The following SDF2 variants were observed in gnomAD, a reference collection of about 807,000 sequenced individuals.
The protein encoded by SDF2 is stromal cell derived factor 2.
Under a neutral mutation model 20.5 loss-of-function variants are expected in SDF2, and 12 were observed. The observed-to-expected ratio is 0.58, with a 90% CI of 0.37 to 0.95. The LOEUF is 0.95. Ranked by LOEUF, SDF2 falls within the 40% of genes least tolerant of loss-of-function variation. SDF2 has a pLI of 0.01. For missense variants in SDF2, 238 were observed against 263.1 expected, an observed-to-expected ratio of 0.90 and a Z score of 0.66; for synonymous variants, 100 against 101.0, an observed-to-expected ratio of 0.99 and a Z score of 0.06.
intron 2 of SDF2, among the ~76,000 whole-genome samples, chr17:28,652,225 TA>T (rs1267107613): frequency 1.3e-5 from 2 of 152,048 alleles, no homozygotes; most frequent in African/African-American, 4.8e-5. Flanking sequence ...TAACTTAATA[TA>T]TGTAGATACA....
At chr17:28,653,706 G>C (rs956193625) in intron 2 of SDF2, among the ~76,000 whole-genome samples, 1 of 152,124 alleles carries the variant, frequency 6.6e-6, no homozygotes, top group African/African-American at 2.4e-5. Context: ...CAGCTACTCA[G>C]GAGGCTGTGG....
intron 2 of SDF2, among the ~76,000 whole-genome samples, chr17:28,652,261 T>C (rs2071921025): frequency 6.6e-6 from 1 of 152,120 alleles, no homozygotes; most frequent in African/African-American, 2.4e-5. Flanking sequence ...TAAAAATTTA[T>C]AGATATGTAA....
chr17:28,657,099 T>G (rs1449578416), intron 1 of SDF2, among the ~76,000 whole-genome samples: 7 of 151,922 alleles, frequency 4.6e-5, no homozygotes, highest in Admixed American at 2.6e-4. Flanking sequence ...TGGTCGCATG[T>G]GCCTGTAATC....
Position 28,655,375 on chromosome 17 carries a change from T to C in SDF2, c.260A>G (p.Lys87Arg), listed in dbSNP as rs547468803. 1 of 1,614,234 alleles carries C rather than the reference T, an allele frequency of 6.2e-7. No homozygotes were observed. The highest frequency in any genetic ancestry group is 1.1e-5 in the South Asian group (1 of 91,086). Residue 87 changes from lysine to arginine, a missense_variant, in exon 2 of 3, where the codon AAG (lysine) becomes AGG (arginine). Lys to Arg is a conservative substitution (Grantham distance 26). Coordinates refer to ENST00000247020, the MANE Select transcript of SDF2 (RefSeq NM_006923.4). ...TGTCAGCCGGATGGGCTGGCCACAC[T>C]TGATGGGGGTTCCCCTCTCACACAC... ...ATVCERGTPI[K>R]CGQPIRLTHV...
intron 2 of SDF2, among the ~76,000 whole-genome samples, chr17:28,651,140 G>A (rs906378802): frequency 3.3e-5 from 5 of 151,986 alleles, no homozygotes; most frequent in African/African-American, 7.3e-5. Context: ...GCACAATCTC[G>A]GCTCTCTGCA....
At chr17:28,655,008 T>C (rs1421860044) in intron 2 of SDF2, among the ~76,000 whole-genome samples, 1 of 151,726 alleles carries the variant, frequency 6.6e-6, no homozygotes, top group South Asian at 2.1e-4. Flanking sequence ...CATGCGCCTG[T>C]AATCCCAGCT....
chr17:28,649,335 G>C, intron 2 of SDF2, 59 bp from the exon 3 acceptor site: 1 of 1,524,618 alleles, frequency 6.6e-7, no homozygotes, highest in Non-Finnish European at 9.0e-7. Flanking sequence ...AAAAGGGGTG[G>C]GAGGCAATGG....
chr17:28,649,149 A>G lies in SDF2; in HGVS notation c.476T>C (p.Leu159Pro). 1 of 1,614,220 alleles carries G rather than the reference A, an allele frequency of 6.2e-7. No individual in the cohort carries two copies. Among genetic ancestry groups the G allele is most frequent in the Non-Finnish European group, 8.5e-7 (1 of 1,180,038 alleles). ...ACCATATTGTTCTCCTGTGACAGAC[A>G]GCAGTACCTCAGTGGAAGAGTGTTT... ...RFKHSSTEVL[L>P]SVTGEQYGRP... The change falls in exon 3 of 3, where the codon CTG becomes CCG. Residue 159 changes from leucine (L) to proline (P), a missense_variant. Transcript: ENST00000247020.
chr17:28,651,531 T>G (rs2071914855), intron 2 of SDF2: 1 of 152,230 alleles, frequency 6.6e-6, no homozygotes, highest in Non-Finnish European at 1.5e-5. Context: ...CTTTGAGCCT[T>G]TGTTTTCTCC....
At chr17:28,658,593 G>A (rs2071989212) in intron 1 of SDF2, among the ~76,000 whole-genome samples, 2 of 152,190 alleles carry the variant, frequency 1.3e-5, no homozygotes, top group Admixed American at 1.3e-4. Context: ...TAGATTAACA[G>A]CATCCCAAAG....
chr17:28,655,720 G>A, intron 1 of SDF2: 1 of 574,706 alleles, frequency 1.7e-6, no homozygotes, highest in South Asian at 2.4e-5. Context: ...CCTTAGACAA[G>A]GGCCAAGCCC....
chr17:28,655,561 C>G, intron 1 of SDF2, 78 bp from the exon 2 acceptor site: 1 of 1,257,350 alleles, frequency 8.0e-7, no homozygotes, highest in Admixed American at 2.2e-5. Context: ...TGAGTGCGCT[C>G]AAGATTCACC....
rs1357733548 is a variant in SDF2 at position 28,648,962 on chromosome 17, G to A, written c.*27C>T. ...CAACAGATGTCTGTGAACATTGTGCGTTAACAGTGGCTCAGAGCCTCTAGA... is the reference window on the plus strand; with the variant it reads ...CAACAGATGTCTGTGAACATTGTGCATTAACAGTGGCTCAGAGCCTCTAGA... On this transcript the variant is annotated 3_prime_UTR_variant, in exon 3 of 3. Coordinates refer to ENST00000247020, the MANE Select transcript of SDF2 (RefSeq NM_006923.4). The A allele has an allele frequency of 3.8e-5, 61 of 1,609,726 alleles. No individual in the cohort carries two copies. Among genetic ancestry groups the A allele is most frequent in the South Asian group, 5.5e-5 (5 of 90,858 alleles).
chr17:28,653,545 G>A (rs2071931312), intron 2 of SDF2, among the ~76,000 whole-genome samples: 1 of 152,238 alleles, frequency 6.6e-6, no homozygotes, highest in Non-Finnish European at 1.5e-5. Context: ...GGGCACGGAG[G>A]CCTCACGCCT....
chr17:28,661,646 T>A (rs1187664187), intron 1 of SDF2, 80 bp downstream of exon 1: 2 of 1,475,160 alleles, frequency 1.4e-6, no homozygotes, highest in Non-Finnish European at 1.9e-6. Context: ...CAGACCACAC[T>A]GTCAGATATT....
At chr17:28,659,144 A>G (rs2071996156) in intron 1 of SDF2, among the ~76,000 whole-genome samples, 1 of 131,208 alleles carries the variant, frequency 7.6e-6, no homozygotes, top group Non-Finnish European at 1.6e-5. Flanking sequence ...GCGGCCGGGC[A>G]GAGGCGCTCC....
intron 2 of SDF2, among the ~76,000 whole-genome samples, chr17:28,653,150 G>A (rs985854083): frequency 3.3e-5 from 5 of 152,172 alleles, no homozygotes; most frequent in African/African-American, 1.2e-4. Flanking sequence ...TGCATGGAAA[G>A]GGGGAAAATG....
At chr17:28,654,795 C>CA (rs56971516) in intron 2 of SDF2, among the ~76,000 whole-genome samples, 14,876 of 146,328 alleles carry the variant, frequency 0.1, 757 homozygotes, top group South Asian at 0.16. Flanking sequence ...ACTAAAAATA[C>CA]AAAAAAAAAA....
chr17:28,654,354 T>TAAAA (rs111562932), intron 2 of SDF2, among the ~76,000 whole-genome samples: 1 of 139,242 alleles, frequency 7.2e-6, no homozygotes, highest in African/African-American at 2.6e-5. Flanking sequence ...TTAGCATCAT[T>TAAAA]AAAAAAAAAA....
Sources: allele counts gnomAD v4.1 joint callset (sites outside exome capture counted in the v4.1 genomes callset), GRCh38; gene constraint gnomAD v4.1.1; transcripts MANE v1.5; gene names NCBI Gene and HGNC (gene_info 2026-07-23, HGNC 2026-07-21).